Variants in MTA3 observed in about 807,000 individuals in gnomAD.
MTA3 encodes the protein metastasis-associated protein MTA3.
A neutral mutation model predicts 83.5 loss-of-function variants in MTA3; 34 were observed. That is an observed-to-expected ratio of 0.41 (90% CI 0.31 to 0.54). The LOEUF (loss-of-function observed/expected upper bound fraction) is 0.54. MTA3 is among the 20% of genes least tolerant of loss of function. The pLI is 0.33. For synonymous variants in MTA3, 303 were observed against 252.7 expected (o/e 1.20, Z -1.89); for missense variants, 761 against 726.4 (o/e 1.05, Z -0.55).
At chr2:42,592,381 TA>T (rs1681122829) in intron 3 of MTA3, among the ~76,000 whole-genome samples, 1 of 152,024 alleles carries the variant, frequency 6.6e-6, no homozygotes, top group African/African-American at 2.4e-5. Flanking sequence ...CTCAGGAGTT[TA>T]AGACCAGCTT....
chr2:42,667,515 G>A (rs1690334334), intron 8 of MTA3, among the ~76,000 whole-genome samples: 1 of 150,088 alleles, frequency 6.7e-6, no homozygotes, highest in Admixed American at 6.7e-5. Flanking sequence ...CACTTAGCAT[G>A]TTTTCAAGGT....
chr2:42,521,815 C>T (rs1481075303), intron 2 of MTA3, among the ~76,000 whole-genome samples: 3 of 138,040 alleles, frequency 2.2e-5, no homozygotes, highest in Middle Eastern at 4.7e-3. Context: ...AGTGCAATGG[C>T]ACAGTCTTAG....
chr2:42,626,724 G>A (rs549030704), intron 4 of MTA3, among the ~76,000 whole-genome samples: 18 of 152,052 alleles, frequency 1.2e-4, no homozygotes, highest in Non-Finnish European at 1.8e-4. Context: ...ATTTTTCCTA[G>A]TATTAGCTCC....
chr2:42,558,560 T>G (rs553467696), intron 2 of MTA3, among the ~76,000 whole-genome samples: 1 of 134,650 alleles, frequency 7.4e-6, no homozygotes, highest in Non-Finnish European at 1.5e-5. Flanking sequence ...TTTAAAAAAA[T>G]TTTTTTTTTT....
At chr2:42,741,760 G>A (rs566264591) in intron 16 of MTA3, among the ~76,000 whole-genome samples, 1 of 151,860 alleles carries the variant, frequency 6.6e-6, no homozygotes, top group African/African-American at 2.4e-5. Flanking sequence ...ATGGCTTGTG[G>A]CCCAAAACAA....
rs1238279007 is a variant in MTA3, at chr2:42,754,484, A to T, written c.*1085A>T. The T allele has an allele frequency of 2.0e-6, 2 of 985,316 alleles. No individual in the cohort carries two copies. Among genetic ancestry groups the T allele is most frequent in the Non-Finnish European group, 2.4e-6 (2 of 830,034 alleles). The allele number at this position is 985,316 out of a possible 1,614,324, so 61.0% of individuals were successfully genotyped here. ...GTGTTTCCCACCTGCCCTCGGCACG[A>T]GCCCTTGGTGGCATCACAGTTGGCC... On this transcript the variant is annotated 3_prime_UTR_variant, in exon 17 of 17. Coordinates refer to ENST00000405094, the MANE Select transcript of MTA3 (RefSeq NM_001330442.2).
Position 42,606,314 on chromosome 2 carries a change from C to G in MTA3, c.191-3144C>G, listed in dbSNP as rs541358361. 2.9e-3 allele frequency among the ~76,000 whole-genome samples: 428 copies of G among 146,474 alleles called. 4 individuals are homozygous for G. Among genetic ancestry groups the G allele is most frequent in the Non-Finnish European group, 4.8e-3 (316 of 66,426 alleles). Reference sequence around the variant, plus strand: ...CCTCACTTCCCAGATCGGGTGGCTGCCGGGCGGAGAGGCTCCTCACCTCTC... The same window carrying G: ...CCTCACTTCCCAGATCGGGTGGCTGGCGGGCGGAGAGGCTCCTCACCTCTC... On this transcript the variant is annotated intron_variant, in intron 3 of 16. Coordinates refer to ENST00000405094, the MANE Select transcript of MTA3 (RefSeq NM_001330442.2).
At chr2:42,637,903 G>T (rs1050665154) in intron 4 of MTA3, among the ~76,000 whole-genome samples, 2 of 152,040 alleles carry the variant, frequency 1.3e-5, no homozygotes, top group African/African-American at 4.8e-5. Context: ...TTGTTTGTTT[G>T]AATTTTCAGT....
In MTA3 at chr2:42,708,971, C is replaced by G; in HGVS notation, c.1400C>G (p.Ala467Gly). 2 of 1,614,030 alleles carry G rather than the reference C, an allele frequency of 1.2e-6. No individual in the cohort carries two copies. Among genetic ancestry groups the G allele is most frequent in the Non-Finnish European group, 1.7e-6 (2 of 1,179,896 alleles). ...AAGTCTGCAGTGAAGACCCGCCAAG[C>G]TTTCTTCCTTCATACTACATATTTC... The part of the protein sequence containing the change: ...SPKSAVKTRQ[A>G]FFLHTTYFTK... Residue 467 changes from alanine (A) to glycine (G), a missense_variant, in exon 14 of 17, where the codon GCT becomes GGT. Coordinates refer to ENST00000405094, the MANE Select transcript of MTA3 (RefSeq NM_001330442.2).
chr2:42,620,562 G>A (rs1008059124), intron 4 of MTA3, among the ~76,000 whole-genome samples: 8 of 152,064 alleles, frequency 5.3e-5, no homozygotes, highest in South Asian at 2.1e-4. Context: ...GTGTCATCAC[G>A]GCTCACTGCA....
At chr2:42,644,433 C>T (rs537712356) in intron 6 of MTA3, among the ~76,000 whole-genome samples, 189 bp downstream of exon 6, 1 of 152,256 alleles carries the variant, frequency 6.6e-6, no homozygotes, top group Non-Finnish European at 1.5e-5. Context: ...GCTATGTTGC[C>T]AAGGCTGGTC....
At chr2:42,568,445 T>TCCCCTC (rs1189290869), upstream of MTA3, 2 of 72,248 alleles carry the variant, frequency 2.8e-5, no homozygotes, top group South Asian at 4.8e-4. Context: ...CCACTCCCTT[T>TCCCCTC]CCCCTCCCCC....
intron 2 of MTA3, among the ~76,000 whole-genome samples, chr2:42,496,163 A>T (rs2103629661): frequency 6.6e-6 from 1 of 152,324 alleles, no homozygotes; most frequent in South Asian, 2.1e-4. Context: ...GAAATATCTC[A>T]TTTTAAATTA....
rs1249376016 is a variant in MTA3, at chr2:42,570,476, T to TA, written c.70dup (p.Ile24AsnfsTer24). On this transcript the variant is annotated frameshift_variant, in exon 2 of 17. Transcript: ENST00000405094. LOFTEE classifies it high-confidence loss of function. ...GAGAATTCCTCCAGCAACCCATACC[T>TA]AATAAGAAGGATAGAAGAACTCAAC... 6.5e-7 allele frequency: 1 copy of TA among 1,544,082 alleles called. No homozygotes were observed. Among genetic ancestry groups the TA allele is most frequent in the Admixed American group, 1.9e-5 (1 of 52,074 alleles).
intron 8 of MTA3, among the ~76,000 whole-genome samples, chr2:42,670,007 G>C (rs1429549293): frequency 1.3e-5 from 2 of 152,222 alleles, no homozygotes; most frequent in African/African-American, 4.8e-5. Flanking sequence ...GCTCATGCCT[G>C]TAATCCAGGC....
intron 3 of MTA3, among the ~76,000 whole-genome samples, chr2:42,583,992 C>T (rs984799998): frequency 4.0e-5 from 6 of 148,276 alleles, no homozygotes; most frequent in Non-Finnish European, 6.0e-5. Flanking sequence ...TACAGGCATG[C>T]GCCACCATGC....
At chr2:42,752,567 G>T (rs897170841) in intron 16 of MTA3, among the ~76,000 whole-genome samples, 2 of 152,160 alleles carry the variant, frequency 1.3e-5, no homozygotes, top group South Asian at 2.1e-4. Context: ...AGTGGAGGGG[G>T]TGGGAGTGAG....
At chr2:42,671,571 T>C (rs901122732) in intron 8 of MTA3, among the ~76,000 whole-genome samples, 1 of 152,218 alleles carries the variant, frequency 6.6e-6, no homozygotes, top group African/African-American at 2.4e-5. Flanking sequence ...ACATACAAGA[T>C]TGTGAATGTC....
intron 2 of MTA3, among the ~76,000 whole-genome samples, chr2:42,578,297 A>T (rs902934328): frequency 1.3e-5 from 2 of 152,166 alleles, no homozygotes; most frequent in East Asian, 3.8e-4. Flanking sequence ...AATTCTAGAG[A>T]ATAGGAGAGC....
Sources: gnomAD v4.1 joint callset for allele counts (sites outside exome capture counted in the v4.1 genomes callset) on GRCh38, gnomAD v4.1.1 for gene constraint, MANE v1.5 for transcripts, NCBI Gene and HGNC (gene_info 2026-07-23, HGNC 2026-07-21) for gene names.